KDM2B: variants seen among roughly 807,000 people sequenced by gnomAD.
The protein encoded by KDM2B is lysine-specific demethylase 2B.
A neutral mutation model predicts 150.0 loss-of-function variants in KDM2B; 26 were observed. That is an observed-to-expected ratio of 0.17 (90% CI 0.13 to 0.24). KDM2B has a LOEUF of 0.24. KDM2B is among the 10% of genes least tolerant of loss of function. The probability of loss-of-function intolerance (pLI) is 1.00; values close to 1 mark genes in which losing one functional copy is unlikely to be tolerated. For missense variants in KDM2B, 1,265 were observed against 1,816.9 expected (o/e 0.70, Z 5.52); for synonymous variants, 734 against 729.5 (o/e 1.01, Z -0.10).
At chr12:121,482,232 C>T (rs1161225312) in intron 12 of KDM2B, among the ~76,000 whole-genome samples, 1 of 152,130 alleles carries the variant, frequency 6.6e-6, no homozygotes, top group African/African-American at 2.4e-5. Context: ...CTGAAAAATT[C>T]CAGGTGATGT....
chr12:121,439,670 G>A (rs1874639057), intron 22 of KDM2B, among the ~76,000 whole-genome samples, 187 bp downstream of exon 22: 3 of 152,220 alleles, frequency 2.0e-5, no homozygotes, highest in South Asian at 2.1e-4. Context: ...GTGAGCTACC[G>A]CACCCGGCCA....
At chr12:121,522,210 C>T (rs1430917609) in intron 8 of KDM2B, among the ~76,000 whole-genome samples, 4 of 151,908 alleles carry the variant, frequency 2.6e-5, no homozygotes, top group Non-Finnish European at 5.9e-5. Flanking sequence ...CATGAAATCC[C>T]GAAAAAGTAT....
At chr12:121,507,811 G>A (rs1324158787) in intron 11 of KDM2B, among the ~76,000 whole-genome samples, 1 of 151,284 alleles carries the variant, frequency 6.6e-6, no homozygotes, top group Non-Finnish European at 1.5e-5. Context: ...AGTAGTTTGA[G>A]ACCAGCCTGG....
chr12:121,461,875 C>T (rs1356067110), intron 12 of KDM2B, among the ~76,000 whole-genome samples: 5 of 152,278 alleles, frequency 3.3e-5, no homozygotes, highest in South Asian at 2.1e-4. Context: ...AACATTCAAC[C>T]GGCAGGTGAG....
At chr12:121,580,417 AC>A (rs1891883282) in intron 1 of KDM2B, 14 of 1,153,372 alleles carry the variant, frequency 1.2e-5, no homozygotes, top group Non-Finnish European at 1.5e-5. Context: ...CCCGGGAGGC[AC>A]CGGGCGCCGT....
intron 21 of KDM2B, chr12:121,440,579 C>T (rs977671092): frequency 5.8e-6 from 3 of 515,090 alleles, no homozygotes; most frequent in Admixed American, 3.7e-5. Flanking sequence ...GCCCCATGAG[C>T]GAGTCAACAG....
At chr12:121,567,415 G>C (rs1157406200) in intron 4 of KDM2B, among the ~76,000 whole-genome samples, 1 of 152,164 alleles carries the variant, frequency 6.6e-6, no homozygotes, top group African/African-American at 2.4e-5. Context: ...GTCCTTATAA[G>C]AAGAGTTTAG....
chr12:121,545,842 T>G (rs60061582), intron 6 of KDM2B, among the ~76,000 whole-genome samples: 1 of 138,420 alleles, frequency 7.2e-6, no homozygotes, highest in African/African-American at 2.6e-5. Flanking sequence ...CCACCCTGCA[T>G]TCACTGCCTC....
At chr12:121,427,576 A>G (rs1872570153), downstream of KDM2B, among the ~76,000 whole-genome samples, 1 of 152,206 alleles carries the variant, frequency 6.6e-6, no homozygotes, top group Non-Finnish European at 1.5e-5. Flanking sequence ...TACAGAGACC[A>G]TGGATTTGTA....
rs782155684 is a variant in KDM2B, at chr12:121,579,969, A to G, written c.126+817T>C. On this transcript the variant is annotated intron_variant, in intron 1 of 22. Coordinates refer to ENST00000377071, the MANE Select transcript of KDM2B (RefSeq NM_032590.5). ...AAAAAAAAAAAAAAAAAGATCTATCATATGCCAGATACAGATTTGGAAAAA... is the reference window on the plus strand; with the variant it reads ...AAAAAAAAAAAAAAAAAGATCTATCGTATGCCAGATACAGATTTGGAAAAA... The G allele has an allele frequency of 3.4e-6, 5 of 1,473,562 alleles. No individual in the cohort carries two copies. The East Asian group carries it at 9.6e-5, about 28-fold the overall frequency. The allele number at this position is 1,473,562 out of a possible 1,614,324, so 91.3% of individuals were successfully genotyped here. A position where few individuals can be genotyped will look rare whatever the true frequency, so the allele number is the denominator to read the frequency against.
intron 6 of KDM2B, 31 bp downstream of exon 6, chr12:121,548,846 C>A: frequency 6.4e-7 from 1 of 1,568,256 alleles, no homozygotes; most frequent in South Asian, 1.1e-5. Flanking sequence ...GTCAACCCTG[C>A]CAGCTCTGGC....
chr12:121,499,387 C>T (rs1025010484), intron 11 of KDM2B, among the ~76,000 whole-genome samples: 9 of 151,368 alleles, frequency 5.9e-5, no homozygotes, highest in African/African-American at 2.2e-4. Flanking sequence ...TCCCAAAGTG[C>T]TAGGATTATA....
At chr12:121,445,447 C>T in intron 13 of KDM2B, 29 bp from the exon 14 acceptor site, 1 of 1,564,360 alleles carries the variant, frequency 6.4e-7, no homozygotes, top group Non-Finnish European at 8.7e-7. Context: ...CAAGACAAGT[C>T]ATCAGGGGTG....
At chr12:121,488,186 T>G (rs1199114163) in intron 12 of KDM2B, among the ~76,000 whole-genome samples, 8 of 152,196 alleles carry the variant, frequency 5.3e-5, no homozygotes, top group African/African-American at 1.9e-4. Flanking sequence ...ATTCAGGTCC[T>G]TGCTTGAGAT....
At chr12:121,573,191 T>G (rs1891245290) in intron 4 of KDM2B, among the ~76,000 whole-genome samples, 1 of 148,928 alleles carries the variant, frequency 6.7e-6, no homozygotes. Flanking sequence ...ACTCCTGGCC[T>G]CAAGCAATCC....
intron 4 of KDM2B, among the ~76,000 whole-genome samples, chr12:121,571,575 T>G (rs1450362199): frequency 6.6e-6 from 1 of 151,962 alleles, no homozygotes; most frequent in Non-Finnish European, 1.5e-5. Context: ...ATTACAGGCG[T>G]GAGCCACCGC....
rs377326836 is a variant in KDM2B at position 121,442,558 on chromosome 12, C to A, written c.2883G>T (p.Thr961=). ...GGTTCTCGTTGGCCAGGCTGTTCTC[C>A]GTCCTCTGGATCTCGTGGTTGAGCT... ...SKELNHEIQR[T]ENSLANENQQ... Residue 961 remains threonine, a synonymous_variant, in exon 19 of 23, where the codon ACG becomes ACT. Coordinates refer to ENST00000377071, the MANE Select transcript of KDM2B (RefSeq NM_032590.5). The surrounding 1 kb of genome is among the most constrained non-coding windows in gnomAD (Gnocchi z 7.7). 6.2e-7 allele frequency: 1 copy of A among 1,600,316 alleles called. No homozygotes were observed. Among genetic ancestry groups the A allele is most frequent in the Non-Finnish European group, 8.5e-7 (1 of 1,179,884 alleles).
chr12:121,524,274 G>A (rs1230659062), intron 8 of KDM2B, among the ~76,000 whole-genome samples: 1 of 152,166 alleles, frequency 6.6e-6, no homozygotes, highest in Admixed American at 6.5e-5. Flanking sequence ...TGGTATCTGT[G>A]GTTGTCTCTG....
intron 22 of KDM2B, among the ~76,000 whole-genome samples, chr12:121,436,522 A>G (rs1874015855): frequency 1.5e-5 from 1 of 64,786 alleles, no homozygotes; most frequent in Non-Finnish European, 4.0e-5. Context: ...CTCCATCTCA[A>G]AAAAAAAAAA....
Sources: gnomAD v4.1 joint callset for allele counts (sites outside exome capture counted in the v4.1 genomes callset) on GRCh38, gnomAD v4.1.1 for gene constraint, Gnocchi (gnomAD v3.1) non-coding constraint, MANE v1.5 for transcripts, NCBI Gene and HGNC (gene_info 2026-07-23, HGNC 2026-07-21) for gene names.